BEND3: variants seen among roughly 807,000 people sequenced by gnomAD.
The protein encoded by BEND3 is BEN domain containing 3.
In BEND3, 13 loss-of-function variants were observed where a neutral mutation model predicts 60.1. That is an observed-to-expected ratio of 0.22 (90% CI 0.14 to 0.34). The LOEUF (loss-of-function observed/expected upper bound fraction) is 0.34. BEND3 is among the 10% of genes least tolerant of loss of function. BEND3 has a pLI of 1.00. For synonymous variants in BEND3, 497 were observed against 491.5 expected (o/e 1.01, Z -0.15); for missense variants, 896 against 1,138.1 (o/e 0.79, Z 3.06).
chr6:107,098,675 G>A lies in BEND3; in HGVS notation c.116C>T (p.Ser39Phe). 1 of 1,614,128 alleles carries A rather than the reference G, an allele frequency of 6.2e-7. No individual in the cohort carries two copies. Among genetic ancestry groups the A allele is most frequent in the South Asian group, 1.1e-5 (1 of 91,078 alleles). Residue 39 changes from serine (S) to phenylalanine (F), a missense_variant, in exon 3 of 4, where the codon TCT (serine) becomes TTT (phenylalanine). Ser to Phe is a radical substitution (Grantham distance 155). Around this residue, in one of 4 missense-constraint regions of BEND3, gnomAD observed 846 missense variants for 1,036.7 expected, o/e 0.82. Coordinates refer to ENST00000369042, the MANE Select transcript of BEND3 (RefSeq NM_001367314.1). ...ALDCSVNSRT[S>F]EKHSVDSVLT... ...GACGCTGTCCACAGAGTGCTTCTCA[G>A]AAGTCCTGGAATTCACGGAGCAGTC...
At chr6:107,090,256 C>T (rs782691844) in intron 3 of BEND3, among the ~76,000 whole-genome samples, 9 of 151,972 alleles carry the variant, frequency 5.9e-5, no homozygotes, top group Non-Finnish European at 1.0e-4. Context: ...GGCTGAGGCA[C>T]GAGAATCACT....
chr6:107,071,108 C>A (rs1265982186), intron 3 of BEND3, among the ~76,000 whole-genome samples, 158 bp from the exon 4 acceptor site: 5 of 152,178 alleles, frequency 3.3e-5, no homozygotes, highest in Non-Finnish European at 5.9e-5. Context: ...AAGGATGCAC[C>A]ACTGATACAA....
chr6:107,068,637 C>G lies in BEND3; in HGVS notation c.*67G>C. ...GCCATAGGCGTGCTCCCAAGTATTGCTCAGTCCCAAGGGTGCCCATCGCTC... is the reference window on the plus strand; with the variant it reads ...GCCATAGGCGTGCTCCCAAGTATTGGTCAGTCCCAAGGGTGCCCATCGCTC... On this transcript the variant is annotated 3_prime_UTR_variant, in exon 4 of 4. Transcript: ENST00000369042. The surrounding 1 kb of genome is among the most constrained non-coding windows in gnomAD (Gnocchi z 5.8). 1 of 1,540,652 alleles carries G rather than the reference C, an allele frequency of 6.5e-7. No homozygotes were observed. Among genetic ancestry groups the G allele is most frequent in the African/African-American group, 1.4e-5 (1 of 73,232 alleles).
At chr6:107,096,685 G>C (rs1775592344) in intron 3 of BEND3, among the ~76,000 whole-genome samples, 2 of 152,210 alleles carry the variant, frequency 1.3e-5, no homozygotes. Context: ...AAGTACATTA[G>C]TGATTGTCAG....
intron 3 of BEND3, among the ~76,000 whole-genome samples, chr6:107,083,320 C>T (rs73763714): frequency 0.021 from 3,194 of 152,116 alleles, 115 homozygotes; most frequent in African/African-American, 0.073. Context: ...TCTAATTATT[C>T]GTTTATTAAA....
At chr6:107,085,786 T>A (rs1242953488) in intron 3 of BEND3, among the ~76,000 whole-genome samples, 1 of 137,676 alleles carries the variant, frequency 7.3e-6, no homozygotes, top group African/African-American at 2.7e-5. Context: ...CCACCGCACC[T>A]GGCCTTATTT....
chr6:107,078,588 G>A (rs1554233078), intron 3 of BEND3, among the ~76,000 whole-genome samples: 5 of 147,668 alleles, frequency 3.4e-5, no homozygotes, highest in Non-Finnish European at 4.5e-5. Context: ...CCAAAGTGCT[G>A]GGATTACAGG....
At chr6:107,114,932 T>A (rs1248675001) in intron 1 of BEND3, among the ~76,000 whole-genome samples, 158 bp downstream of exon 1, 1 of 146,952 alleles carries the variant, frequency 6.8e-6, no homozygotes, top group Non-Finnish European at 1.5e-5. Context: ...TGGGCGCTAC[T>A]ACCGGCGGGC....
chr6:107,115,515 T>G lies in BEND3; in HGVS notation c.-437A>C, dbSNP rs1360951770. ...GGCCCGGCGCGCTCGGCCAGCGCAG[T>G]GGCTCCACGTGGGCCCGCGCTGGCT... On this transcript the variant is annotated 5_prime_UTR_variant, in exon 1 of 4. Transcript: ENST00000369042. 6.8e-6 allele frequency among the ~76,000 whole-genome samples: 1 copy of G among 146,460 alleles called. No individual in the cohort carries two copies. Among genetic ancestry groups the G allele is most frequent in the Non-Finnish European group, 1.5e-5 (1 of 65,996 alleles).
At chr6:107,113,229 G>A (rs1434488405) in intron 1 of BEND3, among the ~76,000 whole-genome samples, 1 of 151,436 alleles carries the variant, frequency 6.6e-6, no homozygotes, top group African/African-American at 2.4e-5. Context: ...ATCACCTGAG[G>A]TCCGGAAACC....
chr6:107,086,103 A>C (rs914093736), intron 3 of BEND3, among the ~76,000 whole-genome samples: 1 of 152,088 alleles, frequency 6.6e-6, no homozygotes, highest in Non-Finnish European at 1.5e-5. Context: ...TCTTTTCTTA[A>C]GGCTTGCCCT....
intron 3 of BEND3, among the ~76,000 whole-genome samples, chr6:107,075,517 C>T (rs1398557556): frequency 6.6e-6 from 1 of 152,090 alleles, no homozygotes; most frequent in Non-Finnish European, 1.5e-5. Context: ...AATTTATTCA[C>T]CATTTAGTTC....
chr6:107,109,012 G>A (rs1318008234), intron 1 of BEND3, among the ~76,000 whole-genome samples: 1 of 152,072 alleles, frequency 6.6e-6, no homozygotes, highest in Non-Finnish European at 1.5e-5. Flanking sequence ...GGCCATGTTG[G>A]CCAGGCTGGT....
chr6:107,081,872 A>G (rs1199746833), intron 3 of BEND3, among the ~76,000 whole-genome samples: 1 of 152,142 alleles, frequency 6.6e-6, no homozygotes, highest in Admixed American at 6.5e-5. Flanking sequence ...CTGTTACAAT[A>G]AAAATGTGTT....
chr6:107,098,857 CA>C (rs1554236396), intron 2 of BEND3, 104 bp from the exon 3 acceptor site: 3 of 887,556 alleles, frequency 3.4e-6, no homozygotes, highest in Non-Finnish European at 5.3e-6. Context: ...CCTTTGACAC[CA>C]GTGCTGAGAT....
At chr6:107,085,799 T>A (rs1160937538) in intron 3 of BEND3, among the ~76,000 whole-genome samples, 1 of 147,952 alleles carries the variant, frequency 6.8e-6, no homozygotes, top group Non-Finnish European at 1.5e-5. Flanking sequence ...CCTTATTTTT[T>A]TTTTTGAGAC....
At chr6:107,112,062 C>T (rs1428232458) in intron 1 of BEND3, among the ~76,000 whole-genome samples, 1 of 152,038 alleles carries the variant, frequency 6.6e-6, no homozygotes, top group Non-Finnish European at 1.5e-5. Context: ...AACACCAAAT[C>T]ATTTTTGCTG....
In BEND3 at chr6:107,068,887, G is replaced by A. The variant is rs1554231269; in HGVS notation, c.2304C>T (p.Asn768=). The change falls in exon 4 of 4, where the codon AAC becomes AAT. Residue 768 remains asparagine, a synonymous_variant. Transcript: ENST00000369042. This position sits in a 1 kb window ranked among gnomAD's most constrained non-coding sequence, Gnocchi z 5.8. The part of the protein sequence containing the change: ...RLQYNHSGAC[N]KKQLDPTRLR... ...GCCGCGTGGGGTCCAGTTGCTTCTT[G>A]TTGCAAGCCCCGGAATGGTTGTACT... 6.2e-7 allele frequency: 1 copy of A among 1,614,018 alleles called. No individual in the cohort carries two copies.
At chr6:107,090,023 A>G (rs1554234928) in intron 3 of BEND3, among the ~76,000 whole-genome samples, 1 of 152,126 alleles carries the variant, frequency 6.6e-6, no homozygotes, top group African/African-American at 2.4e-5. Flanking sequence ...TCCTAGAACA[A>G]AATTGAAGGA....
Sources: gnomAD v4.1 joint callset for allele counts (sites outside exome capture counted in the v4.1 genomes callset) on GRCh38, gnomAD v4.1.1 for gene constraint, gnomAD v4.1.1 regional missense constraint, Gnocchi (gnomAD v3.1) non-coding constraint, MANE v1.5 for transcripts, NCBI Gene and HGNC (gene_info 2026-07-23, HGNC 2026-07-21) for gene names.